Variants in DAAM1 observed in about 807,000 individuals in gnomAD.
The protein encoded by DAAM1 is dishevelled associated activator of morphogenesis 1, also known as disheveled-associated activator of morphogenesis 1.
Under a neutral mutation model 130.0 loss-of-function variants are expected in DAAM1, and 52 were observed. The observed-to-expected ratio is 0.40, with a 90% confidence interval of 0.32 to 0.50. DAAM1 has a LOEUF of 0.50. Among genes scored for constraint, DAAM1 ranks in the 20% least tolerant of loss-of-function variants. The pLI, the probability that DAAM1 is intolerant of heterozygous loss-of-function variation, is 0.61. For synonymous variants in DAAM1, 452 were observed against 444.5 expected (o/e 1.02, Z -0.21); for missense variants, 1,134 against 1,303.8 (o/e 0.87, Z 2.01).
At chr14:59,315,414 A>G in intron 4 of DAAM1, 63 bp downstream of exon 4, 4 of 1,478,502 alleles carry the variant, frequency 2.7e-6, no homozygotes, top group Non-Finnish European at 3.7e-6. Context: ...CAAAGTACAC[A>G]GTTGCACAAT....
In DAAM1 at chr14:59,326,569, A is replaced by G; in HGVS notation, c.1234A>G (p.Ile412Val). The change falls in exon 11 of 25, where the codon ATA (isoleucine) becomes GTA (valine). Residue 412 changes from isoleucine to valine, a missense_variant. Ile to Val is a conservative substitution (Grantham distance 29). Around this residue, in one of 3 missense-constraint regions of DAAM1, gnomAD observed 391 missense variants for 521.6 expected, o/e 0.75. Transcript: ENST00000360909. ...WLLLDRIIQQ[I>V]VIQNDKGQDP... ...ACTACTAGATAGAATTATACAGCAG[A>G]TAGTTATCCAGAATGACAAAGGACA... 6.2e-7 allele frequency: 1 copy of G among 1,613,980 alleles called. No individual in the cohort carries two copies. Among genetic ancestry groups the G allele is most frequent in the African/African-American group, 1.3e-5 (1 of 75,002 alleles).
Position 59,355,169 on chromosome 14 carries a change from T to G in DAAM1, c.2361T>G (p.Ile787Met), listed in dbSNP as rs1886428098. ...TTTATGTGTTTTGTTTTGAAGCAAT[T>G]CGTTCTGGCTCAGAAGAGGTGTTTA... ...VAEVKPKVEA[I>M]RSGSEEVFRS... Residue 787 changes from isoleucine to methionine, a missense_variant, in exon 20 of 25, where the codon ATT becomes ATG. By Grantham distance (10) the Ile-to-Met change is conservative (BLOSUM62 1). Around this residue, in one of 3 missense-constraint regions of DAAM1, gnomAD observed 644 missense variants for 695.9 expected, o/e 0.93. Transcript: ENST00000360909. 6.2e-7 allele frequency: 1 copy of G among 1,605,856 alleles called. No individual in the cohort carries two copies. Among genetic ancestry groups the G allele is most frequent in the Non-Finnish European group, 8.5e-7 (1 of 1,176,456 alleles).
At chr14:59,234,073 C>T (rs1889207996) in intron 1 of DAAM1, among the ~76,000 whole-genome samples, 1 of 152,152 alleles carries the variant, frequency 6.6e-6, no homozygotes, top group South Asian at 2.1e-4. Flanking sequence ...ATGATGCCTC[C>T]AGCTTTGTTC....
intron 22 of DAAM1, chr14:59,362,325 C>T (rs1233722655): frequency 4.6e-5 from 7 of 151,950 alleles, no homozygotes; most frequent in South Asian, 2.1e-4. Context: ...TTGGAGGTGA[C>T]GTAGTATTGT....
intron 1 of DAAM1, among the ~76,000 whole-genome samples, chr14:59,212,759 G>A (rs1888464502): frequency 6.6e-6 from 1 of 152,086 alleles, no homozygotes; most frequent in Non-Finnish European, 1.5e-5. Context: ...GCCATTGTTA[G>A]TATTTTTAAG....
chr14:59,277,578 G>C lies in DAAM1; in HGVS notation c.184-13639G>C, dbSNP rs187400910. On this transcript the variant is annotated intron_variant, in intron 2 of 24. Coordinates refer to ENST00000360909, the MANE Select transcript of DAAM1 (RefSeq NM_001270520.2). ...TCCAAGAAGAAGAGCCTTTTAATCT[G>C]TTGGTTTTAGTTTTTGAGAAACTAA... Among the ~76,000 whole-genome samples the C allele has an allele frequency of 1.4e-3, 212 of 151,860 alleles. 1 individual carries two copies. The highest frequency in any genetic ancestry group is 4.8e-3 in the African/African-American group (201 of 41,506).
chr14:59,275,254 T>C (rs1406302227), intron 2 of DAAM1, among the ~76,000 whole-genome samples: 1 of 152,118 alleles, frequency 6.6e-6, no homozygotes, highest in Non-Finnish European at 1.5e-5. Context: ...AATTCTCTCT[T>C]TCAAGAACAA....
At chr14:59,363,892 G>C (rs769629623) in intron 23 of DAAM1, 110 bp downstream of exon 23, 20 of 1,463,602 alleles carry the variant, frequency 1.4e-5, no homozygotes, top group East Asian at 2.3e-5. Flanking sequence ...TCCAAACTTC[G>C]TGGTGCAGGA....
At chr14:59,257,789 A>G (rs1023957461) in intron 1 of DAAM1, among the ~76,000 whole-genome samples, 2 of 152,100 alleles carry the variant, frequency 1.3e-5, no homozygotes, top group African/African-American at 4.8e-5. Flanking sequence ...CTTCAGCCAC[A>G]TTGGTCTTCC....
At chr14:59,199,169 C>G (rs1337866876) in intron 1 of DAAM1, among the ~76,000 whole-genome samples, 1 of 152,230 alleles carries the variant, frequency 6.6e-6, no homozygotes, top group African/African-American at 2.4e-5. Flanking sequence ...CCAGTCTCTT[C>G]TCAACTGCAC....
At chr14:59,327,398 G>GTTTTTTTTTTTTTTTTTTTT (rs1338982717) in intron 12 of DAAM1, among the ~76,000 whole-genome samples, 8 of 72,770 alleles carry the variant, frequency 1.1e-4, no homozygotes, top group Non-Finnish European at 1.5e-4. Context: ...AGGTCACTTG[G>GTTTTTTTTTTTTTTTTTTTT]TTTCTTTTTT....
intron 22 of DAAM1, among the ~76,000 whole-genome samples, chr14:59,362,019 CTTT>C (rs35080349): frequency 7.4e-5 from 9 of 121,712 alleles, no homozygotes; most frequent in Admixed American, 2.6e-4. Context: ...GGTTTTTTTC[CTTT>C]TTTTTTTTTT....
Position 59,232,626 on chromosome 14 carries a change from A to T in DAAM1, c.-37-30815A>T, listed in dbSNP as rs534546287. ...CTTTTTTTTTCTTTCTTTTTTTAAAATTTTCTCTTTTTTTTTTTCTTTTAA... is the reference window on the plus strand; with the variant it reads ...CTTTTTTTTTCTTTCTTTTTTTAAATTTTTCTCTTTTTTTTTTTCTTTTAA... On this transcript the variant is annotated intron_variant, in intron 1 of 24. Coordinates refer to ENST00000360909, the MANE Select transcript of DAAM1 (RefSeq NM_001270520.2). 2.9e-4 allele frequency among the ~76,000 whole-genome samples: 43 copies of T among 148,486 alleles called. 1 individual carries two copies. Among genetic ancestry groups the T allele is most frequent in the African/African-American group, 1.1e-3 (43 of 40,946 alleles).
chr14:59,197,481 A>T (rs1315153477), intron 1 of DAAM1, among the ~76,000 whole-genome samples: 1 of 152,208 alleles, frequency 6.6e-6, no homozygotes, highest in Non-Finnish European at 1.5e-5. Context: ...TTAAATGAAC[A>T]GGCCTGCTAT....
At position 59,331,411 on chromosome 14, in the gene DAAM1, C is replaced by T. The variant is rs775311579; in HGVS notation, c.1763C>T (p.Pro588Leu). The change falls in exon 14 of 25, where the codon CCA (proline) becomes CTA (leucine). Residue 588 changes from proline to leucine, a missense_variant. Pro to Leu is a moderately conservative substitution (Grantham distance 98). Transcript: ENST00000360909. ...PGPPPLGAIMPPPGAPMGLAL... is the reference protein window; with the variant it reads ...PGPPPLGAIMLPPGAPMGLAL... Reference sequence around the variant, plus strand: ...CCTCCTCCCTTAGGGGCAATCATGCCACCTCCTGGTGCTCCAATGGGCCTA... The same window carrying T: ...CCTCCTCCCTTAGGGGCAATCATGCTACCTCCTGGTGCTCCAATGGGCCTA... The T allele has an allele frequency of 1.9e-5, 30 of 1,613,768 alleles. No individual in the cohort carries two copies. The highest frequency in any genetic ancestry group is 2.7e-5 in the African/African-American group (2 of 74,854).
intron 3 of DAAM1, among the ~76,000 whole-genome samples, chr14:59,310,899 C>T (rs1011640042): frequency 1.3e-5 from 2 of 152,044 alleles, no homozygotes; most frequent in African/African-American, 2.4e-5. Context: ...CAGAGCATGT[C>T]CTTTACAATT....
intron 16 of DAAM1, among the ~76,000 whole-genome samples, chr14:59,342,332 C>T (rs374799049): frequency 7.2e-5 from 11 of 152,188 alleles, no homozygotes; most frequent in South Asian, 6.2e-4. Flanking sequence ...TTCAGTGCCC[C>T]GTCCTTTTGT....
At chr14:59,229,027 T>A (rs192816282) in intron 1 of DAAM1, among the ~76,000 whole-genome samples, 72 of 152,316 alleles carry the variant, frequency 4.7e-4, no homozygotes, top group African/African-American at 1.7e-3. Flanking sequence ...GAGGATTTGG[T>A]TATGAATATT....
chr14:59,262,776 A>G (rs954100535), intron 1 of DAAM1, among the ~76,000 whole-genome samples: 13 of 151,258 alleles, frequency 8.6e-5, no homozygotes, highest in Admixed American at 6.6e-4. Context: ...CATCTAGCTC[A>G]AGTCCTGGCT....
Sources: gnomAD v4.1 joint callset for allele counts (sites outside exome capture counted in the v4.1 genomes callset) on GRCh38, gnomAD v4.1.1 for gene constraint, gnomAD v4.1.1 regional missense constraint, MANE v1.5 for transcripts, NCBI Gene and HGNC (gene_info 2026-07-23, HGNC 2026-07-21) for gene names.